NT5DC3: variants seen among roughly 807,000 people sequenced by gnomAD.
NT5DC3 encodes the protein 5'-nucleotidase domain-containing protein 3.
NT5DC3 carries 42 observed loss-of-function variants against 67.8 expected under a neutral mutation model. The ratio of observed to expected loss-of-function variants is 0.62; its 90% confidence interval spans 0.48 to 0.80. The LOEUF (loss-of-function observed/expected upper bound fraction) is 0.80, where lower values mean the gene tolerates loss of function less well. NT5DC3 is among the 30% of genes least tolerant of loss of function. The probability of loss-of-function intolerance (pLI) is 0.00; values close to 1 mark genes in which losing one functional copy is unlikely to be tolerated. For synonymous variants in NT5DC3, 237 were observed against 255.6 expected (o/e 0.93, Z 0.69); for missense variants, 570 against 696.4 (o/e 0.82, Z 2.04).
At chr12:103,800,786 G>A (rs1287388086) in intron 4 of NT5DC3, among the ~76,000 whole-genome samples, 1 of 152,240 alleles carries the variant, frequency 6.6e-6, no homozygotes, top group Non-Finnish European at 1.5e-5. Flanking sequence ...AGATCTGAAT[G>A]AGTCTGCCAG....
chr12:103,814,340 A>T (rs1221705803), intron 2 of NT5DC3, among the ~76,000 whole-genome samples: 2 of 152,226 alleles, frequency 1.3e-5, no homozygotes, highest in Non-Finnish European at 2.9e-5. Flanking sequence ...TGAGATGGAG[A>T]GCTGAGCTGT....
chr12:103,785,380 G>C lies in NT5DC3; in HGVS notation c.1284C>G (p.Thr428=). The C allele has an allele frequency of 1.2e-6, 2 of 1,614,066 alleles. No individual in the cohort carries two copies. The highest frequency in any genetic ancestry group is 1.7e-6 in the Non-Finnish European group (2 of 1,179,932). Residue 428 remains threonine (T), a synonymous_variant, in exon 12 of 14, where the codon ACC becomes ACG. Transcript: ENST00000392876. ...CAGTCAAGGTCTGCAGCCAGGTCAT[G>C]GTTTGAATGTATTGCTCCGTGTTCA... ...KIMNTEQYIQ[T]MTWLQTLTGL...
At chr12:103,766,911 T>G (rs1884999549), downstream of NT5DC3, 1 of 153,712 alleles carries the variant, frequency 6.5e-6, no homozygotes, top group Admixed American at 6.4e-5. Context: ...CCCACGAGGA[T>G]GGCTAGAATC....
At chr12:103,787,232 C>A in intron 11 of NT5DC3, among the ~76,000 whole-genome samples, 1 of 148,498 alleles carries the variant, frequency 6.7e-6, no homozygotes. Flanking sequence ...TTATCTTTTT[C>A]ACAACTCTGA....
the NT5DC3 span, chr12:103,753,206 T>C: frequency 6.2e-7 from 1 of 1,613,822 alleles, no homozygotes; most frequent in South Asian, 1.1e-5. Flanking sequence ...CGATTCCTCC[T>C]CTTCCTCATC....
At chr12:103,818,869 T>C (rs1006484291) in intron 1 of NT5DC3, among the ~76,000 whole-genome samples, 2 of 152,202 alleles carry the variant, frequency 1.3e-5, no homozygotes, top group Non-Finnish European at 2.9e-5. Context: ...GCTGATGATA[T>C]TTTCTGAATA....
At chr12:103,756,322 A>G in the NT5DC3 span, among the ~76,000 whole-genome samples, 2 of 152,226 alleles carry the variant, frequency 1.3e-5, no homozygotes, top group African/African-American at 4.8e-5. Flanking sequence ...AATAATGACA[A>G]CAACAGTAAT....
At chr12:103,798,377 G>A (rs890165454) in intron 5 of NT5DC3, among the ~76,000 whole-genome samples, 1 of 152,184 alleles carries the variant, frequency 6.6e-6, no homozygotes, top group Non-Finnish European at 1.5e-5. Context: ...TATGTGGGAG[G>A]TGAAAAGAGC....
chr12:103,805,517 G>A (rs1193524468), intron 4 of NT5DC3, among the ~76,000 whole-genome samples: 4 of 151,968 alleles, frequency 2.6e-5, no homozygotes, highest in Non-Finnish European at 5.9e-5. Flanking sequence ...CTCCCAAATT[G>A]GAGAATAAAA....
chr12:103,827,206 T>C (rs1387413690), intron 1 of NT5DC3, among the ~76,000 whole-genome samples: 2 of 152,300 alleles, frequency 1.3e-5, no homozygotes, highest in East Asian at 3.9e-4. Context: ...GATCATGCCA[T>C]TGCACTTCAG....
chr12:103,813,579 G>A (rs1887123382), intron 2 of NT5DC3, among the ~76,000 whole-genome samples: 1 of 152,194 alleles, frequency 6.6e-6, no homozygotes, highest in African/African-American at 2.4e-5. Flanking sequence ...AAACTAAGGA[G>A]AACTTTGGCT....
chr12:103,747,903 G>A, the NT5DC3 span, among the ~76,000 whole-genome samples: 5 of 150,622 alleles, frequency 3.3e-5, no homozygotes, highest in Admixed American at 6.7e-5. Context: ...GCTGAGGCAG[G>A]AGAATCACCT....
At chr12:103,757,358 G>C in the NT5DC3 span, among the ~76,000 whole-genome samples, 1 of 152,186 alleles carries the variant, frequency 6.6e-6, no homozygotes, top group South Asian at 2.1e-4. Flanking sequence ...AAAGTGCTGG[G>C]ATTATAGGTG....
At chr12:103,749,103 G>GCTGTGC in the NT5DC3 span, 1 of 1,613,610 alleles carries the variant, frequency 6.2e-7, no homozygotes, top group Non-Finnish European at 8.5e-7. Flanking sequence ...CCCCTGTGCA[G>GCTGTGC]ACGGCCTTAA....
intron 1 of NT5DC3, among the ~76,000 whole-genome samples, chr12:103,816,731 T>C (rs1887269768): frequency 6.6e-6 from 1 of 152,220 alleles, no homozygotes; most frequent in African/African-American, 2.4e-5. Flanking sequence ...GCTGAAATGC[T>C]TTATTATTAG....
downstream of NT5DC3, among the ~76,000 whole-genome samples, chr12:103,768,087 CAAAAA>C (rs34935949): frequency 1.1e-4 from 10 of 87,206 alleles, no homozygotes; most frequent in South Asian, 2.3e-3. Context: ...GACTCCTTCT[CAAAAA>C]AAAAAAAAAA....
At chr12:103,760,990 G>C in the NT5DC3 span, among the ~76,000 whole-genome samples, 1 of 83,466 alleles carries the variant, frequency 1.2e-5, no homozygotes, top group African/African-American at 5.7e-5. Context: ...AGCGTCCACA[G>C]GCATGGGGTT....
chr12:103,749,186 G>A, the NT5DC3 span: 79 of 1,572,128 alleles, frequency 5.0e-5, no homozygotes, highest in Middle Eastern at 1.6e-3. Flanking sequence ...GGAAATTTGG[G>A]AGCAGCGCCG....
intron 4 of NT5DC3, among the ~76,000 whole-genome samples, chr12:103,799,036 C>T (rs528270900): frequency 6.6e-6 from 1 of 152,256 alleles, no homozygotes; most frequent in African/African-American, 2.4e-5. Context: ...AGGTCATGTA[C>T]CTGTTCAAGC....
Sources: gnomAD v4.1 joint callset for allele counts (sites outside exome capture counted in the v4.1 genomes callset) on GRCh38, gnomAD v4.1.1 for gene constraint, MANE v1.5 for transcripts, NCBI Gene and HGNC (gene_info 2026-07-23, HGNC 2026-07-21) for gene names.